The following DNAI4 variants were observed in gnomAD, a reference collection of about 807,000 sequenced individuals.
The protein encoded by DNAI4 is WD repeat domain 78.
DNAI4 carries 85 observed loss-of-function variants against 105.8 expected under a neutral mutation model. The observed-to-expected ratio is 0.80, with a 90% CI of 0.67 to 0.96. DNAI4 has a LOEUF of 0.96. DNAI4 is among the 40% of genes least tolerant of loss of function. DNAI4 has a pLI of 0.00. For missense variants in DNAI4, 1,014 were observed against 1,005.6 expected, an observed-to-expected ratio of 1.01 and a Z score of -0.11; for synonymous variants, 352 against 331.5, an observed-to-expected ratio of 1.06 and a Z score of -0.67.
Position 66,889,903 on chromosome 1 carries a change from A to T in DNAI4, c.643+1251T>A, listed in dbSNP as rs115355992. ...TCAAAAGTCAATAATGTTCTCTGTG[A>T]AACCTTTTTTATTTTACCTCAAAGG... On this transcript the variant is annotated intron_variant, in intron 4 of 16. Transcript: ENST00000371026. 6.5e-3 allele frequency among the ~76,000 whole-genome samples: 984 copies of T among 152,322 alleles called. 4 individuals are homozygous for T. The highest frequency in any genetic ancestry group is 0.022 in the African/African-American group (923 of 41,572).
At chr1:66,825,647 G>T (rs1001261568) in intron 15 of DNAI4, among the ~76,000 whole-genome samples, 10 of 152,142 alleles carry the variant, frequency 6.6e-5, no homozygotes, top group African/African-American at 1.9e-4. Context: ...TTAAAAATGT[G>T]TTGTCCTGGG....
chr1:66,871,618 C>G lies in DNAI4; in HGVS notation c.801-109G>C, dbSNP rs1569680766. The G allele has an allele frequency of 2.6e-6, 3 of 1,154,774 alleles. No individual in the cohort carries two copies. In the East Asian group the frequency reaches 7.6e-5, roughly 29 times the overall value. The allele number at this position is 1,154,774 out of a possible 1,614,324, so 71.5% of individuals were successfully genotyped here. ...ATTACTTTCCTTAATGTGGCTTGCA[C>G]CAAAAAGTGAAGTGAGACTTCAAAA... On this transcript the variant is annotated intron_variant, in intron 5 of 16. Coordinates refer to ENST00000371026, the MANE Select transcript of DNAI4 (RefSeq NM_024763.5).
At chr1:66,859,536 T>A (rs879092112) in intron 7 of DNAI4, among the ~76,000 whole-genome samples, 1 of 152,144 alleles carries the variant, frequency 6.6e-6, no homozygotes, top group Non-Finnish European at 1.5e-5. Flanking sequence ...TACAAAAAAT[T>A]TGAAGCAGCC....
chr1:66,893,209 T>G lies in DNAI4; in HGVS notation c.530+20A>C. Reference sequence around the variant, plus strand: ...AATATATATGATAGAAAAAAGGAACTATATAATAGTATACTCTACCTTGTA... The same window carrying G: ...AATATATATGATAGAAAAAAGGAACGATATAATAGTATACTCTACCTTGTA... On this transcript the variant is annotated intron_variant, in intron 3 of 16. Coordinates refer to ENST00000371026, the MANE Select transcript of DNAI4 (RefSeq NM_024763.5). 7.4e-7 allele frequency: 1 copy of G among 1,342,966 alleles called. No individual in the cohort carries two copies. The highest frequency in any genetic ancestry group is 9.8e-7 in the Non-Finnish European group (1 of 1,025,282). The allele number at this position is 1,342,966 out of a possible 1,614,324, so 83.2% of individuals were successfully genotyped here.
chr1:66,924,670 G>A lies in DNAI4; in HGVS notation c.162C>T (p.Asn54=), dbSNP rs1304352171. The change falls in exon 1 of 17, where the codon AAC becomes AAT. Residue 54 remains asparagine, a synonymous_variant. Transcript: ENST00000371026. ...TTAGCGCCGGAACTTACAACCCGAA[G>A]TTCTGCTGCTTGTGACTGCCTGCCG... ...VSPAGSHKQQ[N]FGLNNATQPK... The A allele has an allele frequency of 1.9e-6, 3 of 1,614,234 alleles. No individual in the cohort carries two copies. The highest frequency in any genetic ancestry group is 2.5e-6 in the Non-Finnish European group (3 of 1,180,046).
At chr1:66,842,277 A>G (rs759062340) in intron 8 of DNAI4, among the ~76,000 whole-genome samples, 3 of 152,244 alleles carry the variant, frequency 2.0e-5, no homozygotes, top group Admixed American at 6.5e-5. Flanking sequence ...TAAAACTGCT[A>G]TAAATACCCA....
Position 66,822,487 on chromosome 1 carries a change from G to A in DNAI4, c.2370C>T (p.Asn790=), listed in dbSNP as rs774079724. Residue 790 remains asparagine (N), a synonymous_variant, in exon 16 of 17, where the codon AAC becomes AAT. Coordinates refer to ENST00000371026, the MANE Select transcript of DNAI4 (RefSeq NM_024763.5). ...TLDPLIVNTA[N]PGIKFTTILF... is the part of the protein sequence containing the mutation. ...GAATGGTTGTGAACTTGATTCCAGG[G>A]TTAGCAGTATTCACAATCAGAGGGT... The A allele has an allele frequency of 3.1e-6, 5 of 1,610,796 alleles. No homozygotes were observed. Among genetic ancestry groups the A allele is most frequent in the Non-Finnish European group, 4.2e-6 (5 of 1,178,808 alleles).
At chr1:66,886,739 A>T (rs532950457) in intron 4 of DNAI4, among the ~76,000 whole-genome samples, 1 of 152,272 alleles carries the variant, frequency 6.6e-6, no homozygotes, top group East Asian at 1.9e-4. Context: ...GGTGTTCACA[A>T]GTATATCTAT....
Position 66,924,856 on chromosome 1 carries a change from C to T in DNAI4, c.-25G>A, listed in dbSNP as rs987710139. 2 of 1,609,918 alleles carry T rather than the reference C, an allele frequency of 1.2e-6. No individual in the cohort carries two copies. The highest frequency in any genetic ancestry group is 1.7e-4 in the Middle Eastern group (1 of 6,020). On this transcript the variant is annotated 5_prime_UTR_variant, in exon 1 of 17. Transcript: ENST00000371026. ...TGGCGACGGTGGAGCCCTGGCTCAA[C>T]AAGCGGCCGCGCGGTTGGCTGGCGG... is the stretch of plus-strand genomic sequence containing the variant.
chr1:66,836,323 AGAAGGAAAGAGG>A (rs1557909262), intron 10 of DNAI4, among the ~76,000 whole-genome samples: 9 of 123,286 alleles, frequency 7.3e-5, no homozygotes, highest in African/African-American at 2.8e-4. Flanking sequence ...AAAGAAAGAA[AGAAGGAAAGAGG>A]GAAGGAAGGG....
chr1:66,836,136 AAAGAAAAGAAAGAAAGAAAG>A (rs1645982231), intron 10 of DNAI4, among the ~76,000 whole-genome samples: 2 of 143,620 alleles, frequency 1.4e-5, no homozygotes, highest in African/African-American at 5.3e-5. Flanking sequence ...AGAAAGAAAG[AAAGAAAAGAAAGAAAGAAAG>A]AAAGAAAGAA....
chr1:66,857,884 C>A (rs1225047601), intron 7 of DNAI4, among the ~76,000 whole-genome samples: 1 of 151,790 alleles, frequency 6.6e-6, no homozygotes, highest in Non-Finnish European at 1.5e-5. Flanking sequence ...CCGCACCCGG[C>A]CTTCTGCCCA....
intron 8 of DNAI4, among the ~76,000 whole-genome samples, chr1:66,845,234 A>G (rs1216175346): frequency 2.1e-5 from 3 of 144,182 alleles, no homozygotes; most frequent in Non-Finnish European, 4.6e-5. Flanking sequence ...AAAAAAAAAA[A>G]GGCAACTCAA....
chr1:66,919,326 T>C (rs1341806638), intron 1 of DNAI4, among the ~76,000 whole-genome samples: 1 of 152,152 alleles, frequency 6.6e-6, no homozygotes, highest in East Asian at 1.9e-4. Context: ...TCAAAGTGAA[T>C]ATATGCACAA....
chr1:66,825,754 T>C (rs1212027663), intron 15 of DNAI4, among the ~76,000 whole-genome samples: 2 of 152,226 alleles, frequency 1.3e-5, no homozygotes, highest in African/African-American at 4.8e-5. Context: ...CCTTGATTTG[T>C]AATCCTTGGT....
intron 2 of DNAI4, among the ~76,000 whole-genome samples, chr1:66,900,784 A>G (rs1245931191): frequency 6.6e-6 from 1 of 152,178 alleles, no homozygotes; most frequent in Admixed American, 6.5e-5. Flanking sequence ...AAGTCCTAAT[A>G]GTATTTTAGT....
chr1:66,907,663 GCTCTAT>G (rs1051277884), intron 1 of DNAI4, among the ~76,000 whole-genome samples: 30 of 152,130 alleles, frequency 2.0e-4, no homozygotes, highest in African/African-American at 7.2e-4. Flanking sequence ...TAAGTCACTG[GCTCTAT>G]CTCTAATAGC....
intron 4 of DNAI4, among the ~76,000 whole-genome samples, chr1:66,879,697 AT>A (rs1448493121): frequency 6.6e-6 from 1 of 152,158 alleles, no homozygotes; most frequent in Admixed American, 6.5e-5. Context: ...AGCAATTGGT[AT>A]TATCAGGTTT....
At chr1:66,857,443 A>C (rs1217140140) in intron 7 of DNAI4, among the ~76,000 whole-genome samples, 1 of 152,066 alleles carries the variant, frequency 6.6e-6, no homozygotes, top group African/African-American at 2.4e-5. Context: ...TATGTAACAA[A>C]ACTGCACGTT....
Sources: gnomAD v4.1 joint callset for allele counts (sites outside exome capture counted in the v4.1 genomes callset) on GRCh38, gnomAD v4.1.1 for gene constraint, MANE v1.5 for transcripts, NCBI Gene and HGNC (gene_info 2026-07-23, HGNC 2026-07-21) for gene names.